Variants in GLE1 observed in about 807,000 individuals in gnomAD.
GLE1 encodes mRNA export factor GLE1.
GLE1 carries 78 observed loss-of-function variants against 97.3 expected under a neutral mutation model. The ratio of observed to expected loss-of-function variants is 0.80; its 90% CI spans 0.67 to 0.97. The LOEUF (loss-of-function observed/expected upper bound fraction) is 0.97, where lower values mean the gene tolerates loss of function less well. Ranked by LOEUF, GLE1 falls within the 50% of genes least tolerant of loss-of-function variation. GLE1 has a pLI of 0.00. For missense variants in GLE1, 753 were observed against 857.5 expected, an observed-to-expected ratio of 0.88 and a Z score of 1.52; for synonymous variants, 302 against 313.4, an observed-to-expected ratio of 0.96 and a Z score of 0.39.
At position 128,533,971 on chromosome 9, in the gene GLE1, TA is replaced by T; in HGVS notation, c.1646+21del. 1 of 1,457,770 alleles carries T rather than the reference TA, an allele frequency of 6.9e-7. No individual in the cohort carries two copies. Among genetic ancestry groups the T allele is most frequent in the Non-Finnish European group, 9.6e-7 (1 of 1,037,314 alleles). The allele number at this position is 1,457,770 out of a possible 1,614,324, so 90.3% of individuals were successfully genotyped here. The stretch of plus-strand genomic sequence containing the variant: ...TCAGAGGTAAAGTTGTTTTTCTCCC[TA>T]CTCACTATCCCTAGAGTGATTAATG... On this transcript the variant is annotated intron_variant, in intron 11 of 15. Transcript: ENST00000309971.
intron 2 of GLE1, 89 bp downstream of exon 2, chr9:128,509,186 G>T (rs1252279465): frequency 1.2e-6 from 1 of 808,102 alleles, no homozygotes; most frequent in Non-Finnish European, 2.2e-6. Context: ...CCATACCCTA[G>T]GGGAAATAAT....
chr9:128,504,914 G>A lies in GLE1; in HGVS notation c.99+10G>A, dbSNP rs1460204794. 2 of 1,580,006 alleles carry A rather than the reference G, an allele frequency of 1.3e-6. No individual in the cohort carries two copies. The highest frequency in any genetic ancestry group is 3.3e-5 in the Admixed American group (2 of 59,946). On this transcript the variant is annotated intron_variant, in intron 1 of 15. Transcript: ENST00000309971. ...GCTGCTGCGGCGCGAGGTGAGCGGT[G>A]GCCCCGGAGGACGTAGGCCTTTCCG...
intron 9 of GLE1, 32 bp downstream of exon 9, chr9:128,527,557 C>T: frequency 8.0e-7 from 1 of 1,255,500 alleles, no homozygotes; most frequent in Non-Finnish European, 1.2e-6. Context: ...CATGACCTTT[C>T]ATTTCATTGT....
chr9:128,516,502 G>A lies in GLE1; in HGVS notation c.432+863G>A, dbSNP rs185796923. ...GCCCAGCTAATTTTTTGTATTTTTA[G>A]TGGAGACAGGGTTTTGCCGTGTTAG... On this transcript the variant is annotated intron_variant, in intron 3 of 15. Transcript: ENST00000309971. Among the ~76,000 whole-genome samples the A allele has an allele frequency of 1.1e-3, 172 of 151,458 alleles. 1 individual carries two copies. Among genetic ancestry groups the A allele is most frequent in the Non-Finnish European group, 6.3e-4 (43 of 67,868 alleles).
intron 15 of GLE1, 31 bp downstream of exon 15, chr9:128,540,369 A>T: frequency 7.0e-7 from 1 of 1,433,068 alleles, no homozygotes; most frequent in Non-Finnish European, 9.9e-7. Flanking sequence ...CATGCCCCAC[A>T]CTGTTGTTGG....
chr9:128,523,451 T>G, intron 5 of GLE1, 111 bp downstream of exon 5: 1 of 1,368,786 alleles, frequency 7.3e-7, no homozygotes. Context: ...GTATTATGCC[T>G]GTGTATGACT....
chr9:128,506,236 T>C (rs1846637280), intron 1 of GLE1, among the ~76,000 whole-genome samples: 1 of 151,948 alleles, frequency 6.6e-6, no homozygotes. Flanking sequence ...TCCCAGCTAC[T>C]CGGGAGACTG....
chr9:128,514,127 T>C (rs577089276), intron 2 of GLE1, among the ~76,000 whole-genome samples: 1 of 151,822 alleles, frequency 6.6e-6, no homozygotes, highest in African/African-American at 2.4e-5. Context: ...TGCCTGAGAC[T>C]AGGAGTTTGG....
intron 3 of GLE1, among the ~76,000 whole-genome samples, chr9:128,517,689 TC>T (rs1847027231): frequency 6.6e-6 from 1 of 152,214 alleles, no homozygotes; most frequent in Non-Finnish European, 1.5e-5. Flanking sequence ...ATTCTTTCTT[TC>T]ATTTTCCTTT....
At chr9:128,540,588 T>C (rs1318433712) in intron 15 of GLE1, 8 of 511,476 alleles carry the variant, frequency 1.6e-5, no homozygotes, top group South Asian at 1.5e-4. Context: ...ATTTAGTGTA[T>C]CTCCTCTCAT....
chr9:128,513,943 G>A lies in GLE1; in HGVS notation c.322-1586G>A, dbSNP rs574966548. The stretch of plus-strand genomic sequence containing the variant: ...TGAGGCAGGAGAATGGCATGAACCC[G>A]GGAGGCAGAGCTTGCAGTGAGCCGA... On this transcript the variant is annotated intron_variant, in intron 2 of 15. Transcript: ENST00000309971. Among the ~76,000 whole-genome samples the A allele has an allele frequency of 6.0e-5, 9 of 151,000 alleles. No homozygotes were observed. The South Asian group carries it at 1.1e-3, about 18-fold the overall frequency.
chr9:128,522,656 A>C lies in GLE1; in HGVS notation c.433-12A>C. The C allele has an allele frequency of 2.5e-6, 4 of 1,594,862 alleles. No individual in the cohort carries two copies. The highest frequency in any genetic ancestry group is 3.4e-6 in the Non-Finnish European group (4 of 1,172,372). On this transcript the variant is annotated splice_polypyrimidine_tract_variant and intron_variant, in intron 3 of 15. Coordinates refer to ENST00000309971, the MANE Select transcript of GLE1 (RefSeq NM_001003722.2). Reference sequence around the variant, plus strand: ...ATCTTAAAAAAAAAAAAAAAAAAAAAAACCTTTTCAGGAGGGCCTGAGGCT... The same window carrying C: ...ATCTTAAAAAAAAAAAAAAAAAAAACAACCTTTTCAGGAGGGCCTGAGGCT...
In GLE1 at chr9:128,538,201, G is replaced by A. The variant is rs1847779639; in HGVS notation, c.1881+111G>A. ...AGCATTTGGGCCTGATAGTAAAACA[G>A]CATGAGGTTCCAGTGTCATACATTT... On this transcript the variant is annotated intron_variant, in intron 13 of 15. Transcript: ENST00000309971. 22 of 714,362 alleles carry A rather than the reference G, an allele frequency of 3.1e-5. 1 individual carries two copies. The South Asian group carries it at 3.3e-4, about 11-fold the overall frequency. 44.3% of individuals were successfully genotyped at this position (714,362 alleles called of 1,614,324 possible). A position where few individuals can be genotyped will look rare whatever the true frequency, so the allele number is the denominator to read the frequency against.
chr9:128,525,273 C>T lies in GLE1; in HGVS notation c.979C>T (p.Gln327Ter). ...EMRDLLMNLG[Q>*]EITRACEDKR... Reference sequence around the variant, plus strand: ...GCGGGACCTCCTGATGAACTTGGGGCAGGAGATCACCAGAGCCTGCGAAGA... The same window carrying T: ...GCGGGACCTCCTGATGAACTTGGGGTAGGAGATCACCAGAGCCTGCGAAGA... Residue 327 changes from glutamine (Q) to a stop codon, truncating the protein, a stop_gained, in exon 7 of 16, where the codon CAG becomes TAG. Coordinates refer to ENST00000309971, the MANE Select transcript of GLE1 (RefSeq NM_001003722.2). LOFTEE classifies it high-confidence loss of function. 5 of 1,614,074 alleles carry T rather than the reference C, an allele frequency of 3.1e-6. No homozygotes were observed. Among genetic ancestry groups the T allele is most frequent in the Non-Finnish European group, 4.2e-6 (5 of 1,179,962 alleles).
intron 2 of GLE1, among the ~76,000 whole-genome samples, chr9:128,509,651 C>CAAA (rs200898903): frequency 1.6e-4 from 20 of 126,028 alleles, no homozygotes; most frequent in South Asian, 7.8e-4. Context: ...CTCCTAAACG[C>CAAA]AAAAAAAAAA....
chr9:128,538,177 G>GC lies in GLE1; in HGVS notation c.1881+88dup, dbSNP rs562207684. The GC allele has an allele frequency of 2.2e-4, 171 of 760,322 alleles. No homozygotes were observed. The African/African-American group carries it at 2.8e-3, about 12-fold the overall frequency. The allele number at this position is 760,322 out of a possible 1,614,324, so 47.1% of individuals were successfully genotyped here. Reference sequence around the variant, plus strand: ...GTGACATGAATGGGGAAACAGCATAGCATTTGGGCCTGATAGTAAAACAGC... The same window carrying GC: ...GTGACATGAATGGGGAAACAGCATAGCCATTTGGGCCTGATAGTAAAACAGC... On this transcript the variant is annotated intron_variant, in intron 13 of 15. Transcript: ENST00000309971.
Position 128,504,751 on chromosome 9 carries a change from C to G in GLE1, c.-55C>G, listed in dbSNP as rs1589036568. On this transcript the variant is annotated 5_prime_UTR_variant, in exon 1 of 16. Coordinates refer to ENST00000309971, the MANE Select transcript of GLE1 (RefSeq NM_001003722.2). ...TGTGTGGCCTTCCCGGCGGCTGATT[C>G]GAGGGCTTGTTTGGTCAGAAGGGGG... The G allele has an allele frequency of 7.3e-6, 9 of 1,226,388 alleles. No individual in the cohort carries two copies. The East Asian group carries it at 1.6e-4, about 22-fold the overall frequency. 76.0% of individuals were successfully genotyped at this position (1,226,388 alleles called of 1,614,324 possible).
At chr9:128,522,591 C>T in intron 3 of GLE1, 77 bp from the exon 4 acceptor site, 1 of 1,453,692 alleles carries the variant, frequency 6.9e-7, no homozygotes, top group Non-Finnish European at 9.2e-7. Flanking sequence ...TTGGAGGTTG[C>T]AGTGAGCTGC....
intron 3 of GLE1, among the ~76,000 whole-genome samples, chr9:128,521,547 TAAAC>T (rs1262234341): frequency 3.9e-5 from 6 of 152,084 alleles, no homozygotes; most frequent in Middle Eastern, 3.4e-3. Flanking sequence ...AATAAACAAA[TAAAC>T]AAAATAAAAT....
Sources: allele counts gnomAD v4.1 joint callset (sites outside exome capture counted in the v4.1 genomes callset), GRCh38; gene constraint gnomAD v4.1.1; transcripts MANE v1.5; gene names NCBI Gene and HGNC (gene_info 2026-07-23, HGNC 2026-07-21).